TGFA: variants seen among roughly 807,000 people sequenced by gnomAD.
TGFA encodes the protein protransforming growth factor alpha.
Under a neutral mutation model 21.7 loss-of-function variants are expected in TGFA, and 12 were observed. That is an observed-to-expected ratio of 0.55 (90% CI 0.35 to 0.90). The LOEUF (loss-of-function observed/expected upper bound fraction) is 0.90, where lower values mean the gene tolerates loss of function less well. TGFA is among the 40% of genes least tolerant of loss of function. The pLI is 0.01. For synonymous variants in TGFA, 79 were observed against 88.1 expected (o/e 0.90, Z 0.58); for missense variants, 178 against 210.8 (o/e 0.84, Z 0.96).
intron 1 of TGFA, among the ~76,000 whole-genome samples, chr2:70,519,601 A>C (rs1201115765): frequency 2.0e-5 from 3 of 152,212 alleles, no homozygotes; most frequent in Non-Finnish European, 2.9e-5. Flanking sequence ...CCATAAACTC[A>C]TTGGGATATT....
At chr2:70,459,057 CAG>C (rs1232661884) in intron 3 of TGFA, among the ~76,000 whole-genome samples, 4 of 152,186 alleles carry the variant, frequency 2.6e-5, no homozygotes, top group South Asian at 2.1e-4. Context: ...TGAGGATTTG[CAG>C]AGTCTTTTGT....
rs111477424 is a variant in TGFA, at chr2:70,522,012, T to A, written c.41-7100A>T. On this transcript the variant is annotated intron_variant, in intron 1 of 5. Transcript: ENST00000295400. ...TTGGCCTCTCAAAGCCTTGCTCAAA[T>A]GTCAGAAATAATCATTTCTTCCTCA... 3.9e-3 allele frequency among the ~76,000 whole-genome samples: 600 copies of A among 152,346 alleles called. 4 individuals carry two copies. Among genetic ancestry groups the A allele is most frequent in the African/African-American group, 0.014 (575 of 41,594 alleles).
chr2:70,497,531 A>G (rs782399928), intron 2 of TGFA, among the ~76,000 whole-genome samples: 2 of 152,242 alleles, frequency 1.3e-5, no homozygotes, highest in Non-Finnish European at 2.9e-5. Context: ...AGCCTGCACC[A>G]GTGGTCACTG....
At chr2:70,474,532 T>G (rs1397274513) in intron 2 of TGFA, among the ~76,000 whole-genome samples, 1 of 152,224 alleles carries the variant, frequency 6.6e-6, no homozygotes, top group Non-Finnish European at 1.5e-5. Context: ...AGTGGGGAAC[T>G]ATACATATGG....
chr2:70,461,192 C>T (rs1267445538), intron 3 of TGFA, among the ~76,000 whole-genome samples: 1 of 152,198 alleles, frequency 6.6e-6, no homozygotes, highest in Non-Finnish European at 1.5e-5. Context: ...ACCTCCCATC[C>T]ATGCCTTTAA....
At chr2:70,513,362 T>C (rs1309770306) in intron 2 of TGFA, among the ~76,000 whole-genome samples, 1 of 152,186 alleles carries the variant, frequency 6.6e-6, no homozygotes. Flanking sequence ...TATCCTCTTT[T>C]TCCTCCCTAT....
chr2:70,509,971 G>A (rs1672042955), intron 2 of TGFA, among the ~76,000 whole-genome samples: 1 of 152,214 alleles, frequency 6.6e-6, no homozygotes. Context: ...AGCTATAGGT[G>A]CTGCCACCCT....
At chr2:70,518,898 C>T (rs1447364989) in intron 1 of TGFA, among the ~76,000 whole-genome samples, 1 of 152,188 alleles carries the variant, frequency 6.6e-6, no homozygotes, top group Non-Finnish European at 1.5e-5. Flanking sequence ...GTTGCTCCCT[C>T]TAGAATATCA....
chr2:70,524,163 C>A lies in TGFA; in HGVS notation c.41-9251G>T, dbSNP rs182486965. Among the ~76,000 whole-genome samples the A allele has an allele frequency of 3.9e-5, 6 of 152,352 alleles. No homozygotes were observed. The East Asian group carries it at 9.6e-4, about 24-fold the overall frequency. ...AAGCCTTATAGAATAAGGCTGCCCA[C>A]TGATCTGGTGGTCCGAGAGAACCCT... On this transcript the variant is annotated intron_variant, in intron 1 of 5. Coordinates refer to ENST00000295400, the MANE Select transcript of TGFA (RefSeq NM_003236.4).
chr2:70,458,057 G>C (rs916914702), intron 3 of TGFA, among the ~76,000 whole-genome samples: 1 of 152,162 alleles, frequency 6.6e-6, no homozygotes, highest in Non-Finnish European at 1.5e-5. Flanking sequence ...CTCTGAATAA[G>C]AACACTGACT....
intron 2 of TGFA, among the ~76,000 whole-genome samples, chr2:70,504,473 CAT>C (rs376988843): frequency 0.1 from 8,208 of 78,804 alleles, 942 homozygotes; most frequent in African/African-American, 0.28. Flanking sequence ...TACACACATA[CAT>C]ACATACATAC....
chr2:70,549,138 A>C (rs145642582), intron 1 of TGFA, among the ~76,000 whole-genome samples: 221 of 152,328 alleles, frequency 1.5e-3, no homozygotes, highest in African/African-American at 5.0e-3. Context: ...CATGATTAGC[A>C]CTGGCAAGCT....
chr2:70,466,534 CA>C (rs1670570727), intron 2 of TGFA, among the ~76,000 whole-genome samples: 1 of 151,874 alleles, frequency 6.6e-6, no homozygotes, highest in Admixed American at 6.6e-5. Flanking sequence ...AAAAAACAAA[CA>C]AACAAAAAAA....
intron 2 of TGFA, among the ~76,000 whole-genome samples, chr2:70,476,128 G>A (rs1211038045): frequency 3.5e-5 from 5 of 140,870 alleles, no homozygotes; most frequent in African/African-American, 5.4e-5. Flanking sequence ...TACAGGTCAC[G>A]ATTTTGCTTT....
chr2:70,553,750 TC>T lies in TGFA; in HGVS notation c.17del (p.Gly6AspfsTer25). 1.5e-6 allele frequency: 2 copies of T among 1,303,406 alleles called. No individual in the cohort carries two copies. Among genetic ancestry groups the T allele is most frequent in the Non-Finnish European group, 2.0e-6 (2 of 1,019,708 alleles). The allele number at this position is 1,303,406 out of a possible 1,614,324, so 80.7% of individuals were successfully genotyped here. On this transcript the variant is annotated frameshift_variant, in exon 1 of 6. Transcript: ENST00000295400. LOFTEE classifies it high-confidence loss of function. ...TACCCAGAGCGAACAGGGCGAGCTG[TC>T]CAGCCGAGGGGACCATTTTACGGGC... The part of the protein sequence containing the change: MVPSA[G>X]QLALFALGIV...
chr2:70,453,099 A>T, intron 5 of TGFA, 119 bp downstream of exon 5: 3 of 892,180 alleles, frequency 3.4e-6, no homozygotes, highest in Non-Finnish European at 3.5e-6. Context: ...AGAATGAAAC[A>T]GTCTCTTCCT....
intron 2 of TGFA, among the ~76,000 whole-genome samples, chr2:70,469,255 T>C (rs1037005050): frequency 1.3e-5 from 2 of 152,140 alleles, no homozygotes; most frequent in Non-Finnish European, 2.9e-5. Flanking sequence ...TGCTAGGTGA[T>C]TTTTTAAAGT....
intron 2 of TGFA, among the ~76,000 whole-genome samples, chr2:70,470,213 G>A (rs897567298): frequency 2.0e-5 from 3 of 151,954 alleles, no homozygotes. Flanking sequence ...ACAGACAGGC[G>A]GGCAGTGAGA....
At chr2:70,489,355 G>A (rs1553497161) in intron 2 of TGFA, among the ~76,000 whole-genome samples, 3 of 152,120 alleles carry the variant, frequency 2.0e-5, no homozygotes, top group Non-Finnish European at 4.4e-5. Flanking sequence ...CTCTTCCCAC[G>A]CAGTGTTTAC....
Sources: allele counts gnomAD v4.1 joint callset (sites outside exome capture counted in the v4.1 genomes callset), GRCh38; gene constraint gnomAD v4.1.1; transcripts MANE v1.5; gene names NCBI Gene and HGNC (gene_info 2026-07-23, HGNC 2026-07-21).